The following PRDM16 variants were observed in gnomAD, a reference collection of about 807,000 sequenced individuals.
The protein encoded by PRDM16 is histone-lysine N-methyltransferase PRDM16.
PRDM16 carries 23 observed loss-of-function variants against 110.6 expected under a neutral mutation model. The observed-to-expected ratio is 0.21, with a 90% CI of 0.15 to 0.29. The LOEUF (loss-of-function observed/expected upper bound fraction) is 0.29, where lower values mean the gene tolerates loss of function less well. Ranked by LOEUF, PRDM16 falls within the 10% of genes least tolerant of loss-of-function variation. The pLI is 1.00. For missense variants in PRDM16, 1,615 were observed against 1,794.3 expected (o/e 0.90, Z 1.81); for synonymous variants, 799 against 781.8 (o/e 1.02, Z -0.37).
chr1:3,092,418 A>G (rs2100600318), intron 1 of PRDM16, among the ~76,000 whole-genome samples: 1 of 152,326 alleles, frequency 6.6e-6, no homozygotes, highest in East Asian at 1.9e-4. Context: ...CCCTGCAGGC[A>G]CCGAGTGCCA....
intron 1 of PRDM16, among the ~76,000 whole-genome samples, chr1:3,125,785 G>A (rs1000816868): frequency 6.6e-6 from 1 of 152,354 alleles, no homozygotes; most frequent in Non-Finnish European, 1.5e-5. Flanking sequence ...GCCCCTCGGA[G>A]CGGAGCGCGG....
intron 1 of PRDM16, among the ~76,000 whole-genome samples, chr1:3,169,109 G>A (rs1002396405): frequency 5.3e-5 from 8 of 152,232 alleles, no homozygotes; most frequent in African/African-American, 1.9e-4. Flanking sequence ...TGGAAGGCTT[G>A]TGACAAGTGT....
Position 3,181,474 on chromosome 1 carries a change from G to A in PRDM16, c.38-4651G>A, listed in dbSNP as rs148196802. 5.5e-4 allele frequency among the ~76,000 whole-genome samples: 18 copies of A among 32,722 alleles called. 1 individual carries two copies. Among genetic ancestry groups the A allele is most frequent in the Admixed American group, 1.5e-3 (4 of 2,648 alleles). The allele number at this position is 32,722 out of a possible 152,430, so 21.5% of individuals were successfully genotyped here. Reference sequence around the variant, plus strand: ...CGGTCTTACACACGGTCTTACACACGCAGTCTTACACACAGCCTTACGCAT... The same window carrying A: ...CGGTCTTACACACGGTCTTACACACACAGTCTTACACACAGCCTTACGCAT... On this transcript the variant is annotated intron_variant, in intron 1 of 16. Transcript: ENST00000270722.
At chr1:3,150,767 C>T (rs1387036522) in intron 1 of PRDM16, among the ~76,000 whole-genome samples, 4 of 150,140 alleles carry the variant, frequency 2.7e-5, no homozygotes, top group East Asian at 2.0e-4. Flanking sequence ...GCCAGTTGGC[C>T]GTTGGGGACG....
Position 3,425,516 on chromosome 1 carries a change from C to A in PRDM16, c.2940-65C>A. 1 of 1,553,584 alleles carries A rather than the reference C, an allele frequency of 6.4e-7. No individual in the cohort carries two copies. Among genetic ancestry groups the A allele is most frequent in the Middle Eastern group, 1.7e-4 (1 of 5,788 alleles). On this transcript the variant is annotated intron_variant, in intron 12 of 16. Coordinates refer to ENST00000270722, the MANE Select transcript of PRDM16 (RefSeq NM_022114.4). The surrounding 1 kb of genome is among the most constrained non-coding windows in gnomAD (Gnocchi z 6.9). ...GGGCGCGGGCTCCCTTCCCCCCACCCTCTGTGGCCCGGCCTGCCATGCAGA... is the reference window on the plus strand; with the variant it reads ...GGGCGCGGGCTCCCTTCCCCCCACCATCTGTGGCCCGGCCTGCCATGCAGA...
intron 1 of PRDM16, among the ~76,000 whole-genome samples, chr1:3,183,890 A>G (rs935954749): frequency 1.3e-5 from 2 of 152,154 alleles, no homozygotes; most frequent in African/African-American, 2.4e-5. Context: ...CCCACGCCCG[A>G]GAGGAGTTAA....
intron 1 of PRDM16, among the ~76,000 whole-genome samples, chr1:3,105,504 C>T (rs370596191): frequency 3.9e-5 from 6 of 152,206 alleles, no homozygotes; most frequent in South Asian, 2.1e-4. Flanking sequence ...AACCCTTGGA[C>T]GGTCACCGGT....
At chr1:3,278,595 C>T (rs569658433) in intron 3 of PRDM16, among the ~76,000 whole-genome samples, 1 of 152,222 alleles carries the variant, frequency 6.6e-6, no homozygotes, top group Non-Finnish European at 1.5e-5. Context: ...CTCAGCCGCA[C>T]CCGGCACCCT....
chr1:3,331,407 C>T (rs12022267), intron 3 of PRDM16, among the ~76,000 whole-genome samples: 15,934 of 152,140 alleles, frequency 0.1, 1,044 homozygotes, highest in East Asian at 0.31. Flanking sequence ...AGGGAATCCC[C>T]CAGATCAGGA....
At chr1:3,196,519 C>T (rs1213845259) in intron 2 of PRDM16, among the ~76,000 whole-genome samples, 1 of 152,228 alleles carries the variant, frequency 6.6e-6, no homozygotes, top group African/African-American at 2.4e-5. Context: ...GTGAGGCTCA[C>T]CGCCCGGTGC....
At chr1:3,249,732 G>A (rs75743088) in intron 3 of PRDM16, among the ~76,000 whole-genome samples, 1,751 of 152,240 alleles carry the variant, frequency 0.012, 14 homozygotes, top group Middle Eastern at 0.031. Flanking sequence ...AGTAAGCCGC[G>A]GACAAAAGGC....
chr1:3,263,454 T>A (rs1280687894), intron 3 of PRDM16, among the ~76,000 whole-genome samples: 1 of 152,210 alleles, frequency 6.6e-6, no homozygotes, highest in Non-Finnish European at 1.5e-5. Context: ...TAACCCTGTC[T>A]AGTGGTCCCT....
intron 1 of PRDM16, among the ~76,000 whole-genome samples, chr1:3,134,910 C>G (rs548656646): frequency 1.2e-4 from 19 of 152,306 alleles, no homozygotes; most frequent in African/African-American, 3.6e-4. Context: ...GGGGATCGGG[C>G]CGGGTATTAG....
intron 1 of PRDM16, among the ~76,000 whole-genome samples, chr1:3,154,810 T>C (rs777152171): frequency 2.6e-5 from 4 of 152,120 alleles, no homozygotes; most frequent in Non-Finnish European, 5.9e-5. Flanking sequence ...GTAGCAAGTA[T>C]AAAAACTGCT....
chr1:3,429,089 G>C (rs1325191415), intron 14 of PRDM16, among the ~76,000 whole-genome samples: 1 of 152,232 alleles, frequency 6.6e-6, no homozygotes, highest in Admixed American at 6.5e-5. Flanking sequence ...AAAGAGGGCC[G>C]GCAGCAGCGG....
At chr1:3,074,775 G>A (rs924016397) in intron 1 of PRDM16, among the ~76,000 whole-genome samples, 4 of 152,220 alleles carry the variant, frequency 2.6e-5, no homozygotes, top group African/African-American at 7.2e-5. Context: ...CCTCAGATCT[G>A]GAGGGGAATA....
intron 1 of PRDM16, among the ~76,000 whole-genome samples, chr1:3,082,852 G>C (rs868299028): frequency 6.6e-6 from 1 of 152,198 alleles, no homozygotes; most frequent in Non-Finnish European, 1.5e-5. Context: ...CCTGGGTGCT[G>C]CGTGGGAGCA....
intron 1 of PRDM16, among the ~76,000 whole-genome samples, chr1:3,108,302 C>T (rs896190068): frequency 6.6e-6 from 1 of 152,222 alleles, no homozygotes; most frequent in Admixed American, 6.5e-5. Context: ...CTTCAACCCA[C>T]CAATGGTGAA....
chr1:3,435,650 G>A lies in PRDM16; in HGVS notation c.*1839G>A, dbSNP rs1045114893. 1.3e-5 allele frequency: 3 copies of A among 232,914 alleles called. No homozygotes were observed. Among genetic ancestry groups the A allele is most frequent in the African/African-American group, 6.6e-5 (3 of 45,314 alleles). The allele number at this position is 232,914 out of a possible 1,614,324, so 14.4% of individuals were successfully genotyped here. A position where few individuals can be genotyped will look rare whatever the true frequency, so the allele number is the denominator to read the frequency against. On this transcript the variant is annotated 3_prime_UTR_variant, in exon 17 of 17. Coordinates refer to ENST00000270722, the MANE Select transcript of PRDM16 (RefSeq NM_022114.4). ...GAGTGGTGCAAGCCGCCTTGGTGTG[G>A]GTTTGTGTCACGTGTGGACATCTCC...
Sources: allele counts gnomAD v4.1 joint callset (sites outside exome capture counted in the v4.1 genomes callset), GRCh38; gene constraint gnomAD v4.1.1; non-coding constraint Gnocchi (gnomAD v3.1); transcripts MANE v1.5; gene names NCBI Gene and HGNC (gene_info 2026-07-23, HGNC 2026-07-21).